The following LMBR1 variants were observed in gnomAD, a reference collection of about 807,000 sequenced individuals.
LMBR1 encodes the protein limb region 1 protein homolog.
In LMBR1, 52 loss-of-function variants were observed where a neutral mutation model predicts 73.9. That is an observed-to-expected ratio of 0.70 (90% confidence interval 0.56 to 0.89). The LOEUF (loss-of-function observed/expected upper bound fraction) is 0.89. Ranked by LOEUF, LMBR1 falls within the 40% of genes least tolerant of loss-of-function variation. LMBR1 has a pLI of 0.00. For missense variants in LMBR1, 539 were observed against 579.8 expected, an observed-to-expected ratio of 0.93 and a Z score of 0.72; for synonymous variants, 215 against 209.4, an observed-to-expected ratio of 1.03 and a Z score of -0.23.
At chr7:156,675,579 T>A, downstream of LMBR1, 1 of 768,116 alleles carries the variant, frequency 1.3e-6, no homozygotes, top group Non-Finnish European at 2.2e-6. Context: ...CTAAAAAGTA[T>A]TATTCGAAGA....
chr7:156,801,760 G>A lies in LMBR1; in HGVS notation c.320-5268C>T, dbSNP rs184602589. Among the ~76,000 whole-genome samples the A allele has an allele frequency of 1.8e-3, 268 of 152,034 alleles. 1 individual carries two copies. The highest frequency in any genetic ancestry group is 3.2e-3 in the Non-Finnish European group (216 of 67,974). On this transcript the variant is annotated intron_variant, in intron 4 of 16. Coordinates refer to ENST00000353442, the MANE Select transcript of LMBR1 (RefSeq NM_022458.4). ...TTGTCCAGTCTGGTCTCAAACTCCT[G>A]GGCTCAAGCGATCCACTCACCTCAG...
At chr7:156,725,900 C>T in intron 12 of LMBR1, 63 bp from the exon 13 acceptor site, 1 of 1,236,516 alleles carries the variant, frequency 8.1e-7, no homozygotes, top group Non-Finnish European at 1.2e-6. Flanking sequence ...TTCCCTAAAA[C>T]AGCTGTTTCA....
chr7:156,857,997 G>T (rs1276889554), intron 1 of LMBR1, among the ~76,000 whole-genome samples: 1 of 111,604 alleles, frequency 9.0e-6, no homozygotes, highest in African/African-American at 3.4e-5. Context: ...TACAGAAGAA[G>T]AAATATCTAA....
chr7:156,831,807 T>C (rs1335836949), intron 3 of LMBR1, among the ~76,000 whole-genome samples: 1 of 152,204 alleles, frequency 6.6e-6, no homozygotes, highest in East Asian at 1.9e-4. Flanking sequence ...TTTCTGTTTA[T>C]AAATTACGGA....
At chr7:156,734,724 T>C (rs1310678732) in intron 9 of LMBR1, among the ~76,000 whole-genome samples, 1 of 152,222 alleles carries the variant, frequency 6.6e-6, no homozygotes, top group East Asian at 1.9e-4. Context: ...ATTAATAATC[T>C]TTTCTTAATT....
intron 4 of LMBR1, among the ~76,000 whole-genome samples, chr7:156,811,865 T>C (rs536358236): frequency 6.6e-6 from 1 of 152,256 alleles, no homozygotes; most frequent in South Asian, 2.1e-4. Flanking sequence ...AGGACCACGC[T>C]CCTTCCAAAG....
chr7:156,757,091 T>C (rs566879696), intron 8 of LMBR1, among the ~76,000 whole-genome samples: 3 of 152,194 alleles, frequency 2.0e-5, no homozygotes, highest in East Asian at 1.9e-4. Context: ...GCTGGGATTA[T>C]AGAAGTGAGC....
At chr7:156,834,437 C>CA (rs1204520573) in intron 2 of LMBR1, 2 of 185,932 alleles carry the variant, frequency 1.1e-5, no homozygotes, top group Non-Finnish European at 2.2e-5. Context: ...TCCATCTTTA[C>CA]AAAAAAATTT....
chr7:156,708,800 C>G (rs1181163955), intron 15 of LMBR1, among the ~76,000 whole-genome samples: 1 of 152,178 alleles, frequency 6.6e-6, no homozygotes, highest in African/African-American at 2.4e-5. Flanking sequence ...AGCGGGGAAG[C>G]TTACGGCCTG....
Position 156,763,770 on chromosome 7 carries a change from G to C in LMBR1, c.449C>G (p.Thr150Ser). The C allele has an allele frequency of 6.2e-7, 1 of 1,600,228 alleles. No individual in the cohort carries two copies. The highest frequency in any genetic ancestry group is 8.5e-7 in the Non-Finnish European group (1 of 1,176,346). ...KKGIRARILETLVMLLLLALL... is the reference protein window; with the variant it reads ...KKGIRARILESLVMLLLLALL... ...CGCAAGAAGAAGAAGCATGACCAAA[G>C]TCTCTAAAATGCGGGCTCGGATTCC... The change falls in exon 6 of 17, where the codon ACT (threonine) becomes AGT (serine). Residue 150 changes from threonine (T) to serine (S), a missense_variant. Thr to Ser is a moderately conservative substitution (Grantham distance 58). Around this residue, in one of 3 missense-constraint regions of LMBR1, gnomAD observed 454 missense variants for 473.4 expected, o/e 0.96. Transcript: ENST00000353442.
downstream of LMBR1, chr7:156,676,102 G>T (rs1376818758): frequency 5.1e-6 from 4 of 790,420 alleles, no homozygotes; most frequent in East Asian, 1.1e-4. Flanking sequence ...TGCACCTGTG[G>T]TAGGACTTTC....
At chr7:156,834,158 C>G (rs1256092594) in intron 2 of LMBR1, among the ~76,000 whole-genome samples, 2 of 152,028 alleles carry the variant, frequency 1.3e-5, no homozygotes, top group Non-Finnish European at 2.9e-5. Flanking sequence ...TAACAGCCAA[C>G]AAAAGTTACT....
intron 1 of LMBR1, among the ~76,000 whole-genome samples, chr7:156,843,411 A>C (rs1371476774): frequency 2.0e-5 from 3 of 152,188 alleles, no homozygotes; most frequent in Non-Finnish European, 4.4e-5. Context: ...AAAGACTTCA[A>C]TCACCTAATG....
chr7:156,797,402 A>G (rs557391756), intron 4 of LMBR1, among the ~76,000 whole-genome samples: 2 of 152,378 alleles, frequency 1.3e-5, no homozygotes, highest in Non-Finnish European at 2.9e-5. Flanking sequence ...AGAGTCAAAG[A>G]TAAAATTTAC....
intron 15 of LMBR1, among the ~76,000 whole-genome samples, chr7:156,690,304 A>C (rs989692282): frequency 6.6e-6 from 1 of 152,220 alleles, no homozygotes; most frequent in Non-Finnish European, 1.5e-5. Context: ...ATATAAATGC[A>C]AGTTCTAATA....
intron 1 of LMBR1, among the ~76,000 whole-genome samples, chr7:156,854,837 A>T (rs1563540985): frequency 2.6e-5 from 4 of 152,244 alleles, no homozygotes; most frequent in African/African-American, 4.8e-5. Context: ...TCTATTTAAG[A>T]AGTAGTCTCT....
intron 1 of LMBR1, among the ~76,000 whole-genome samples, chr7:156,881,157 G>A (rs181213154): frequency 1.1e-4 from 16 of 152,196 alleles, no homozygotes; most frequent in African/African-American, 3.6e-4. Flanking sequence ...ATAGAACAAC[G>A]GAACAGAACA....
At chr7:156,789,906 C>T (rs1244437943) in intron 5 of LMBR1, among the ~76,000 whole-genome samples, 1 of 150,926 alleles carries the variant, frequency 6.6e-6, no homozygotes, top group Non-Finnish European at 1.5e-5. Context: ...AGTAGTATTA[C>T]AGCCAGTTTA....
chr7:156,675,938 G>A (rs1803859695), downstream of LMBR1: 6 of 1,433,464 alleles, frequency 4.2e-6, no homozygotes, highest in Non-Finnish European at 5.8e-6. Flanking sequence ...GGCATGTGGG[G>A]GGAGGTCGAG....
Sources: gnomAD v4.1 joint callset for allele counts (sites outside exome capture counted in the v4.1 genomes callset) on GRCh38, gnomAD v4.1.1 for gene constraint, gnomAD v4.1.1 regional missense constraint, MANE v1.5 for transcripts, NCBI Gene and HGNC (gene_info 2026-07-23, HGNC 2026-07-21) for gene names.